RBFOX1: variants seen among roughly 807,000 people sequenced by gnomAD.
RBFOX1 encodes RNA binding protein fox-1 homolog 1.
Under a neutral mutation model 57.7 loss-of-function variants are expected in RBFOX1, and 8 were observed. That is an observed-to-expected ratio of 0.14 (90% confidence interval 0.08 to 0.25). The LOEUF (loss-of-function observed/expected upper bound fraction) is 0.25. Among genes scored for constraint, RBFOX1 ranks in the 10% least tolerant of loss-of-function variants. RBFOX1 has a pLI of 1.00. For missense variants in RBFOX1, 611 were observed against 548.5 expected (o/e 1.11, Z -1.14); for synonymous variants, 326 against 222.4 (o/e 1.47, Z -4.15).
chr16:7,446,865 T>C (rs62015752), intron 4 of RBFOX1, among the ~76,000 whole-genome samples: 31,901 of 130,542 alleles, frequency 0.24, 5,305 homozygotes, highest in East Asian at 0.51. Flanking sequence ...CAGGCTGCAG[T>C]GCAGGAGTGT....
At chr16:6,801,232 C>T (rs2085366790) in intron 3 of RBFOX1, among the ~76,000 whole-genome samples, 1 of 147,944 alleles carries the variant, frequency 6.8e-6, no homozygotes, top group South Asian at 2.1e-4. Flanking sequence ...CGTTACATAT[C>T]ATGTATTTTG....
intron 2 of RBFOX1, 63 bp from the exon 3 acceptor site, chr16:6,654,540 C>T: frequency 2.3e-6 from 3 of 1,315,146 alleles, no homozygotes; most frequent in East Asian, 2.7e-5. Context: ...ACTGAATGTT[C>T]TCTGACCATA....
chr16:6,988,736 T>TTTTTTTTTTTTTTTTTTTTTTTTTTG, intron 3 of RBFOX1, among the ~76,000 whole-genome samples: 1 of 75,304 alleles, frequency 1.3e-5, no homozygotes, highest in African/African-American at 8.5e-5. Flanking sequence ...AGCTAATTTT[T>TTTTTTTTTTTTTTTTTTTTTTTTTTG]TTTTTTGTTT....
chr16:6,594,518 T>G (rs2097758130), intron 2 of RBFOX1, among the ~76,000 whole-genome samples: 1 of 152,120 alleles, frequency 6.6e-6, no homozygotes, highest in Admixed American at 6.5e-5. Context: ...CATGTAGGAA[T>G]CAGTGCCTCT....
intron 4 of RBFOX1, among the ~76,000 whole-genome samples, chr16:7,437,336 T>C (rs1212356654): frequency 6.6e-6 from 1 of 151,440 alleles, no homozygotes. Context: ...GAGGAGTACT[T>C]GTCCATCAAA....
intron 3 of RBFOX1, among the ~76,000 whole-genome samples, chr16:6,910,077 G>T (rs926851109): frequency 1.3e-5 from 2 of 152,030 alleles, no homozygotes; most frequent in Admixed American, 1.3e-4. Context: ...GGGATATTGT[G>T]CCTGTACGTC....
Position 6,008,097 on chromosome 16 carries a change from C to G in RBFOX1, c.351+140762C>G, listed in dbSNP as rs565475850. Among the ~76,000 whole-genome samples the G allele has an allele frequency of 8.5e-5, 13 of 152,212 alleles. No homozygotes were observed. In the East Asian group the frequency reaches 2.1e-3, roughly 25 times the overall value. Reference sequence around the variant, plus strand: ...GCATGCACCTGTAGTCCCAGCTACTCAGGAGGCTGAAGCAGGAGGGTCACT... The same window carrying G: ...GCATGCACCTGTAGTCCCAGCTACTGAGGAGGCTGAAGCAGGAGGGTCACT... On this transcript the variant is annotated intron_variant, in intron 4 of 19. Transcript: ENST00000641259.
At chr16:7,680,751 G>C (rs912766600) in intron 14 of RBFOX1, among the ~76,000 whole-genome samples, 2 of 152,140 alleles carry the variant, frequency 1.3e-5, no homozygotes, top group African/African-American at 2.4e-5. Flanking sequence ...CTAATGTAGA[G>C]TTAGAAATTG....
At chr16:6,981,338 G>T (rs991624571) in intron 3 of RBFOX1, among the ~76,000 whole-genome samples, 4 of 151,942 alleles carry the variant, frequency 2.6e-5, no homozygotes, top group Admixed American at 2.6e-4. Context: ...TCATTATTTA[G>T]CTCCTACTTT....
chr16:7,536,747 C>G (rs1403566762), intron 5 of RBFOX1, among the ~76,000 whole-genome samples: 1 of 152,198 alleles, frequency 6.6e-6, no homozygotes, highest in Non-Finnish European at 1.5e-5. Flanking sequence ...GTATATGTCT[C>G]TTTCCAACAG....
At chr16:6,812,199 T>G (rs1352767882) in intron 3 of RBFOX1, among the ~76,000 whole-genome samples, 1 of 152,210 alleles carries the variant, frequency 6.6e-6, no homozygotes, top group African/African-American at 2.4e-5. Context: ...GTCCTCCTGT[T>G]AGAATGAATA....
chr16:5,663,261 A>G (rs193214757), intron 3 of RBFOX1, among the ~76,000 whole-genome samples: 1 of 152,204 alleles, frequency 6.6e-6, no homozygotes, highest in East Asian at 1.9e-4. Flanking sequence ...CCCGGGCTGG[A>G]GTGCAGTGGC....
intron 2 of RBFOX1, among the ~76,000 whole-genome samples, chr16:6,604,232 G>T (rs1428395832): frequency 6.6e-6 from 1 of 152,088 alleles, no homozygotes; most frequent in Non-Finnish European, 1.5e-5. Flanking sequence ...AGGGAGCCAT[G>T]ATAGGTGCAC....
intron 1 of RBFOX1, among the ~76,000 whole-genome samples, chr16:5,318,880 C>T (rs909395538): frequency 6.6e-6 from 1 of 152,186 alleles, no homozygotes; most frequent in African/African-American, 2.4e-5. Context: ...TGCCTGTAAT[C>T]CAAGCACTTT....
chr16:5,513,555 G>C (rs1227667478), intron 2 of RBFOX1, among the ~76,000 whole-genome samples: 2 of 152,216 alleles, frequency 1.3e-5, no homozygotes, highest in Non-Finnish European at 2.9e-5. Context: ...CATTTGAAGA[G>C]TGGGGATTTT....
At chr16:5,426,857 C>CCT in intron 1 of RBFOX1, among the ~76,000 whole-genome samples, 1 of 152,150 alleles carries the variant, frequency 6.6e-6, no homozygotes, top group East Asian at 1.9e-4. Flanking sequence ...TTAAACAACG[C>CCT]AGTGATGCAG....
intron 2 of RBFOX1, among the ~76,000 whole-genome samples, chr16:6,649,582 C>T (rs182550766): frequency 6.6e-6 from 1 of 152,300 alleles, no homozygotes; most frequent in East Asian, 1.9e-4. Context: ...TTCCTCATCG[C>T]TTAGCTCCCA....
At chr16:6,119,868 C>G (rs1383337776) in intron 1 of RBFOX1, among the ~76,000 whole-genome samples, 2 of 152,196 alleles carry the variant, frequency 1.3e-5, no homozygotes, top group Non-Finnish European at 2.9e-5. Flanking sequence ...CAACCGCTAC[C>G]TCTATCCAGT....
At chr16:7,404,605 C>T (rs764807176) in intron 4 of RBFOX1, among the ~76,000 whole-genome samples, 1 of 152,158 alleles carries the variant, frequency 6.6e-6, no homozygotes, top group Non-Finnish European at 1.5e-5. Flanking sequence ...GTGACCAGTA[C>T]CTACACCTCA....
Sources: gnomAD v4.1 joint callset for allele counts (sites outside exome capture counted in the v4.1 genomes callset) on GRCh38, gnomAD v4.1.1 for gene constraint, MANE v1.5 for transcripts, NCBI Gene and HGNC (gene_info 2026-07-23, HGNC 2026-07-21) for gene names.